Variants in NSUN6 observed in about 807,000 individuals in gnomAD.
The protein encoded by NSUN6 is tRNA (cytosine(72)-C(5))-methyltransferase NSUN6.
A neutral mutation model predicts 58.0 loss-of-function variants in NSUN6; 64 were observed. The observed-to-expected ratio is 1.10, with a 90% CI of 0.90 to 1.36. NSUN6 has a LOEUF of 1.36. NSUN6 is among the 40% of genes most tolerant of loss of function. The pLI, the probability that NSUN6 is intolerant of heterozygous loss-of-function variation, is 0.00. For missense variants in NSUN6, 701 were observed against 550.1 expected (o/e 1.27, Z -2.74); for synonymous variants, 231 against 193.9 (o/e 1.19, Z -1.59).
intron 9 of NSUN6, among the ~76,000 whole-genome samples, chr10:18,550,275 G>C (rs2054519885): frequency 6.6e-6 from 1 of 152,104 alleles, no homozygotes; most frequent in Non-Finnish European, 1.5e-5. Flanking sequence ...CCTTTTTGCT[G>C]CTTGCTGTTT....
At chr10:18,617,932 C>T (rs915241267) in intron 3 of NSUN6, among the ~76,000 whole-genome samples, 14 of 152,164 alleles carry the variant, frequency 9.2e-5, no homozygotes, top group Admixed American at 7.9e-4. Context: ...GCAAATGCCT[C>T]GATCTTGGAC....
intron 4 of NSUN6, 102 bp downstream of exon 4, chr10:18,616,082 A>G (rs2131357158): frequency 1.4e-6 from 1 of 702,576 alleles, no homozygotes; most frequent in East Asian, 2.7e-5. Flanking sequence ...CCGACCAAGA[A>G]AAATTTGGAA....
chr10:18,570,759 C>T (rs1311495324), intron 8 of NSUN6, among the ~76,000 whole-genome samples: 1 of 148,342 alleles, frequency 6.7e-6, no homozygotes, highest in African/African-American at 2.5e-5. Context: ...ATTCCATTCT[C>T]CATTCCATTC....
intron 1 of NSUN6, among the ~76,000 whole-genome samples, chr10:18,649,975 C>G (rs1258461390): frequency 6.6e-6 from 1 of 152,020 alleles, no homozygotes; most frequent in African/African-American, 2.4e-5. Context: ...ATAACATATT[C>G]AAAAATGAGT....
intron 7 of NSUN6, 71 bp downstream of exon 7, chr10:18,596,135 CTA>C (rs1491105673): frequency 6.0e-5 from 78 of 1,297,824 alleles, no homozygotes; most frequent in Non-Finnish European, 7.9e-5. Flanking sequence ...GTGAATGGCT[CTA>C]TGTTTCAGAA....
intron 8 of NSUN6, among the ~76,000 whole-genome samples, 173 bp downstream of exon 8, chr10:18,585,776 T>G (rs930947864): frequency 1.6e-5 from 2 of 125,932 alleles, no homozygotes; most frequent in African/African-American, 6.1e-5. Flanking sequence ...TCAAAGCTGC[T>G]ATGAGAGTAA....
chr10:18,652,569 CTTTTTTTTT>C (rs532727978), upstream of NSUN6: 12 of 898,296 alleles, frequency 1.3e-5, no homozygotes, highest in Non-Finnish European at 1.6e-5. Context: ...TTTCTCTGCT[CTTTTTTTTT>C]TTTTTTTTTT....
At chr10:18,630,672 C>T (rs1439692035) in intron 3 of NSUN6, among the ~76,000 whole-genome samples, 2 of 152,122 alleles carry the variant, frequency 1.3e-5, no homozygotes, top group Non-Finnish European at 2.9e-5. Flanking sequence ...GGATAAATTC[C>T]TCAACACATA....
chr10:18,571,177 CTCCATTCCAT>C (rs1323904265), intron 8 of NSUN6, among the ~76,000 whole-genome samples: 1 of 150,908 alleles, frequency 6.6e-6, no homozygotes, highest in African/African-American at 2.4e-5. Context: ...GCATTCCATT[CTCCATTCCAT>C]TCCCTTCCAT....
chr10:18,641,522 T>C (rs1048886559), intron 3 of NSUN6, among the ~76,000 whole-genome samples: 7 of 151,854 alleles, frequency 4.6e-5, no homozygotes, highest in Non-Finnish European at 7.4e-5. Flanking sequence ...AGCACCACCA[T>C]ACCCAGCTAA....
intron 6 of NSUN6, among the ~76,000 whole-genome samples, chr10:18,607,471 T>C (rs1316521211): frequency 6.6e-6 from 1 of 152,192 alleles, no homozygotes; most frequent in African/African-American, 2.4e-5. Flanking sequence ...TAAGACCCAG[T>C]TAAGAATCTG....
chr10:18,625,195 C>A (rs1228537988), intron 3 of NSUN6, among the ~76,000 whole-genome samples: 1 of 152,126 alleles, frequency 6.6e-6, no homozygotes, highest in Non-Finnish European at 1.5e-5. Flanking sequence ...TAAACCATAG[C>A]CATTGGTGTG....
chr10:18,569,169 T>TATTCC (rs1054643429), intron 8 of NSUN6, among the ~76,000 whole-genome samples: 8 of 149,848 alleles, frequency 5.3e-5, no homozygotes, highest in Non-Finnish European at 9.0e-5. Context: ...TTCCATTCTC[T>TATTCC]ATTCCATTCC....
chr10:18,577,170 G>GA (rs2056692091), intron 8 of NSUN6, among the ~76,000 whole-genome samples: 1 of 152,166 alleles, frequency 6.6e-6, no homozygotes, highest in Non-Finnish European at 1.5e-5. Flanking sequence ...GATAGCTTGG[G>GA]AAAATAGGAC....
chr10:18,625,858 T>C (rs2058782405), intron 3 of NSUN6, among the ~76,000 whole-genome samples: 1 of 151,852 alleles, frequency 6.6e-6, no homozygotes, highest in Non-Finnish European at 1.5e-5. Flanking sequence ...AACGTACTGT[T>C]AAAAGGAAAA....
Position 18,546,113 on chromosome 10 carries a change from T to C in NSUN6, c.1230A>G (p.Gly410=). 6.2e-7 allele frequency: 1 copy of C among 1,613,528 alleles called. No homozygotes were observed. The highest frequency in any genetic ancestry group is 8.5e-7 in the Non-Finnish European group (1 of 1,179,602). Residue 410 remains glycine, a synonymous_variant, in exon 11 of 11, where the codon GGA becomes GGG. Coordinates refer to ENST00000377304, the MANE Select transcript of NSUN6 (RefSeq NM_182543.5). ...EPQIGGEGMR[G]AGLSCEQLKQ... ...TCAACTGTTCACATGAGAGCCCAGC[T>C]CCCCTCATTCCTTCTCCTCCAATCT... is the stretch of plus-strand genomic sequence containing the variant.
At chr10:18,597,660 G>A (rs934357932) in intron 6 of NSUN6, among the ~76,000 whole-genome samples, 1 of 152,186 alleles carries the variant, frequency 6.6e-6, no homozygotes, top group Non-Finnish European at 1.5e-5. Flanking sequence ...CAGCTACTCA[G>A]GAGGCTGAGG....
At chr10:18,635,091 C>T (rs559229217) in intron 3 of NSUN6, among the ~76,000 whole-genome samples, 1 of 152,278 alleles carries the variant, frequency 6.6e-6, no homozygotes, top group East Asian at 1.9e-4. Context: ...GTATGTGCTA[C>T]GCAGAGGGTG....
intron 8 of NSUN6, among the ~76,000 whole-genome samples, chr10:18,583,494 C>CAATG (rs1239134924): frequency 6.6e-6 from 1 of 151,988 alleles, no homozygotes; most frequent in Non-Finnish European, 1.5e-5. Flanking sequence ...AAAATGTGAC[C>CAATG]CATTGGTAGG....
Sources: gnomAD v4.1 joint callset for allele counts (sites outside exome capture counted in the v4.1 genomes callset) on GRCh38, gnomAD v4.1.1 for gene constraint, MANE v1.5 for transcripts, NCBI Gene and HGNC (gene_info 2026-07-23, HGNC 2026-07-21) for gene names.